The following SLC9A9 variants were observed in gnomAD, a reference collection of about 807,000 sequenced individuals.
The protein encoded by SLC9A9 is solute carrier family 9 member A9.
Under a neutral mutation model 77.8 loss-of-function variants are expected in SLC9A9, and 62 were observed. The observed-to-expected ratio is 0.80, with a 90% CI of 0.65 to 0.98. SLC9A9 has a LOEUF of 0.98. Ranked by LOEUF, SLC9A9 falls within the 50% of genes least tolerant of loss-of-function variation. The pLI is 0.00. For synonymous variants in SLC9A9, 320 were observed against 283.5 expected, an observed-to-expected ratio of 1.13 and a Z score of -1.29; for missense variants, 775 against 774.9, an observed-to-expected ratio of 1.00 and a Z score of 0.00.
chr3:143,346,621 C>G (rs2032285957), intron 14 of SLC9A9, among the ~76,000 whole-genome samples: 1 of 152,036 alleles, frequency 6.6e-6, no homozygotes, highest in South Asian at 2.1e-4. Flanking sequence ...AACCCCATCT[C>G]TACTCAAAAT....
chr3:143,833,794 A>C (rs1158399971), intron 1 of SLC9A9, among the ~76,000 whole-genome samples: 2 of 152,214 alleles, frequency 1.3e-5, no homozygotes, highest in African/African-American at 2.4e-5. Context: ...ACTAGTGATA[A>C]CCTTACTAAC....
At chr3:143,475,791 C>A (rs1443290930) in intron 11 of SLC9A9, among the ~76,000 whole-genome samples, 190 of 130,182 alleles carry the variant, frequency 1.5e-3, no homozygotes, top group Non-Finnish European at 1.6e-3. Flanking sequence ...GACTCCATCT[C>A]AAAAAAAAAA....
At chr3:143,694,596 G>A (rs570666121) in intron 4 of SLC9A9, among the ~76,000 whole-genome samples, 31 of 152,114 alleles carry the variant, frequency 2.0e-4, no homozygotes, top group South Asian at 6.2e-4. Context: ...AATATTTTTC[G>A]TATTTTTAGC....
intron 14 of SLC9A9, among the ~76,000 whole-genome samples, chr3:143,356,380 T>C (rs949815688): frequency 2.6e-5 from 4 of 152,108 alleles, no homozygotes; most frequent in Admixed American, 2.0e-4. Flanking sequence ...TCCTATTATG[T>C]GGAAGAAGAA....
At chr3:143,322,735 C>T (rs1447313891) in intron 14 of SLC9A9, among the ~76,000 whole-genome samples, 1 of 152,130 alleles carries the variant, frequency 6.6e-6, no homozygotes, top group Non-Finnish European at 1.5e-5. Context: ...ACTAGTATAA[C>T]ATAGTATGCT....
At chr3:143,402,488 T>A (rs192483032) in intron 12 of SLC9A9, among the ~76,000 whole-genome samples, 1 of 151,770 alleles carries the variant, frequency 6.6e-6, no homozygotes, top group Non-Finnish European at 1.5e-5. Flanking sequence ...AGATACTTTC[T>A]TTAATGTTTT....
intron 4 of SLC9A9, among the ~76,000 whole-genome samples, chr3:143,769,690 A>G (rs1394162518): frequency 6.6e-6 from 1 of 152,212 alleles, no homozygotes; most frequent in Non-Finnish European, 1.5e-5. Flanking sequence ...AGTTATGCCC[A>G]ATACTGACCT....
At chr3:143,662,383 G>A (rs1325894389) in intron 5 of SLC9A9, among the ~76,000 whole-genome samples, 2 of 152,246 alleles carry the variant, frequency 1.3e-5, no homozygotes, top group Non-Finnish European at 2.9e-5. Context: ...CTCCCAGCAT[G>A]AGCGATGCAG....
rs2033284593 is a variant in SLC9A9, at chr3:143,380,786, C to A, written c.1524+1274G>T. ...CACCAACTTAATTTCCCAGCCTTTT[C>A]CACAGAGCACAGGCTCCTTTCTTTT... On this transcript the variant is annotated intron_variant, in intron 13 of 15. Coordinates refer to ENST00000316549, the MANE Select transcript of SLC9A9 (RefSeq NM_173653.4). 2.0e-5 allele frequency among the ~76,000 whole-genome samples: 3 copies of A among 152,334 alleles called. No homozygotes were observed. In the South Asian group the frequency reaches 6.2e-4, roughly 32 times the overall value.
chr3:143,470,436 C>T (rs957853431), intron 11 of SLC9A9, among the ~76,000 whole-genome samples: 1 of 149,938 alleles, frequency 6.7e-6, no homozygotes, highest in Non-Finnish European at 1.5e-5. Context: ...GCCAAGATCG[C>T]GCCATTGTAC....
At chr3:143,454,736 T>G (rs1456284617) in intron 12 of SLC9A9, among the ~76,000 whole-genome samples, 2 of 152,202 alleles carry the variant, frequency 1.3e-5, no homozygotes, top group East Asian at 3.8e-4. Flanking sequence ...AGGAAAATCT[T>G]TCTAATATCA....
intron 6 of SLC9A9, among the ~76,000 whole-genome samples, chr3:143,587,249 G>C (rs569552725): frequency 6.6e-6 from 1 of 152,294 alleles, no homozygotes; most frequent in African/African-American, 2.4e-5. Context: ...GTACTGCAGG[G>C]AACAAAACAC....
At chr3:143,297,598 G>A (rs761953678) in intron 14 of SLC9A9, among the ~76,000 whole-genome samples, 2 of 152,132 alleles carry the variant, frequency 1.3e-5, no homozygotes, top group Non-Finnish European at 2.9e-5. Context: ...TACTTTGCTA[G>A]TATGGACATA....
At chr3:143,576,929 G>A (rs1185100956) in intron 7 of SLC9A9, among the ~76,000 whole-genome samples, 3 of 152,188 alleles carry the variant, frequency 2.0e-5, no homozygotes, top group Admixed American at 2.0e-4. Flanking sequence ...AAACTTTGGA[G>A]TAGCCTTTGA....
intron 4 of SLC9A9, among the ~76,000 whole-genome samples, chr3:143,735,272 C>G (rs188118913): frequency 7.2e-5 from 11 of 152,230 alleles, no homozygotes; most frequent in African/African-American, 2.6e-4. Flanking sequence ...TGTGAAGCAG[C>G]AAAGTGAACA....
intron 5 of SLC9A9, among the ~76,000 whole-genome samples, chr3:143,653,891 C>T (rs1017498173): frequency 3.3e-5 from 5 of 152,152 alleles, no homozygotes; most frequent in Non-Finnish European, 7.3e-5. Flanking sequence ...CTGTGTGCCA[C>T]AAGCCCTTAG....
intron 14 of SLC9A9, among the ~76,000 whole-genome samples, chr3:143,323,552 A>G (rs1310993257): frequency 6.6e-6 from 1 of 152,148 alleles, no homozygotes; most frequent in East Asian, 1.9e-4. Flanking sequence ...TAAAAGATAG[A>G]TAACAGATAC....
chr3:143,483,073 C>T (rs1052766066), intron 11 of SLC9A9, among the ~76,000 whole-genome samples: 1 of 152,250 alleles, frequency 6.6e-6, no homozygotes, highest in Admixed American at 6.5e-5. Context: ...CTCTTAACTG[C>T]ATTGGAGACA....
rs559875266 is a variant in SLC9A9 at position 143,379,598 on chromosome 3, G to A, written c.1524+2462C>T. On this transcript the variant is annotated intron_variant, in intron 13 of 15. Transcript: ENST00000316549. The stretch of plus-strand genomic sequence containing the variant: ...CAGGAGGCGCCATGTCAATGATAAC[G>A]CTACTTACTTAACATTTAGATAGTG... Among the ~76,000 whole-genome samples the A allele has an allele frequency of 2.5e-3, 380 of 152,284 alleles. 2 individuals carry two copies. The highest frequency in any genetic ancestry group is 8.7e-3 in the African/African-American group (363 of 41,560).
Sources: allele counts gnomAD v4.1 joint callset (sites outside exome capture counted in the v4.1 genomes callset), GRCh38; gene constraint gnomAD v4.1.1; transcripts MANE v1.5; gene names NCBI Gene and HGNC (gene_info 2026-07-23, HGNC 2026-07-21).